ZBTB7C: variants seen among roughly 807,000 people sequenced by gnomAD.
The protein encoded by ZBTB7C is zinc finger and BTB domain containing 7C.
ZBTB7C carries 8 observed loss-of-function variants against 25.7 expected under a neutral mutation model. That is an observed-to-expected ratio of 0.31 (90% CI 0.18 to 0.56). ZBTB7C has a LOEUF of 0.56. ZBTB7C is among the 20% of genes least tolerant of loss of function. ZBTB7C has a pLI of 0.91. For synonymous variants in ZBTB7C, 394 were observed against 369.0 expected (o/e 1.07, Z -0.78); for missense variants, 824 against 855.2 (o/e 0.96, Z 0.46).
intron 1 of ZBTB7C, among the ~76,000 whole-genome samples, chr18:48,391,892 T>A (rs1260031637): frequency 6.6e-6 from 1 of 152,258 alleles, no homozygotes; most frequent in African/African-American, 2.4e-5. Context: ...CAAGGAAAGC[T>A]CTAAGACCTC....
chr18:48,367,371 T>TATATATATATAA lies in ZBTB7C; in HGVS notation c.-303-28974_-303-28973insTTATATATATAT, dbSNP rs34753129. On this transcript the variant is annotated intron_variant, in intron 1 of 4. Coordinates refer to ENST00000590800, the MANE Select transcript of ZBTB7C (RefSeq NM_001318841.2). The stretch of plus-strand genomic sequence containing the variant: ...GCATATATATATATATATATATATA[T>TATATATATATAA]AAAATACAAACAGAAGACTCTAAAA... Among the ~76,000 whole-genome samples the TATATATATATAA allele has an allele frequency of 5.7e-4, 65 of 113,394 alleles. No individual in the cohort carries two copies. The East Asian group carries it at 0.01, about 18-fold the overall frequency. 74.4% of individuals were successfully genotyped at this position (113,394 alleles called of 152,430 possible).
chr18:48,283,161 A>T (rs965186449), intron 2 of ZBTB7C, among the ~76,000 whole-genome samples: 1 of 152,184 alleles, frequency 6.6e-6, no homozygotes, highest in Non-Finnish European at 1.5e-5. Flanking sequence ...ATATCCTTTG[A>T]CCTAGTAATT....
At chr18:48,245,445 C>T (rs1164573243) in intron 2 of ZBTB7C, among the ~76,000 whole-genome samples, 1 of 147,586 alleles carries the variant, frequency 6.8e-6, no homozygotes, top group African/African-American at 2.5e-5. Flanking sequence ...AACCAAACAA[C>T]ACTTGTTCCC....
rs375444822 is a variant in ZBTB7C at position 48,029,222 on chromosome 18, A to G, written c.*38T>C. On this transcript the variant is annotated 3_prime_UTR_variant, in exon 5 of 5. Coordinates refer to ENST00000590800, the MANE Select transcript of ZBTB7C (RefSeq NM_001318841.2). ...GTAGAGTGGGCCTGGAGGGAGAAGG[A>G]CTGGAGGGCTGGTGGGCTGGAGCCG... The G allele has an allele frequency of 1.3e-6, 2 of 1,515,532 alleles. No homozygotes were observed. Among genetic ancestry groups the G allele is most frequent in the East Asian group, 2.5e-5 (1 of 40,264 alleles). The allele number at this position is 1,515,532 out of a possible 1,614,324, so 93.9% of individuals were successfully genotyped here. A position where few individuals can be genotyped will look rare whatever the true frequency, so the allele number is the denominator to read the frequency against.
rs1205854650 is a variant in ZBTB7C at position 48,040,319 on chromosome 18, G to A, written c.789C>T (p.Asp263=). The A allele has an allele frequency of 1.3e-6, 2 of 1,588,716 alleles. No homozygotes were observed. Among genetic ancestry groups the A allele is most frequent in the Middle Eastern group, 1.7e-4 (1 of 5,896 alleles). ...CAGGCAGCTGGGCAAAGGCACCGAAGTCCCCTGGCCAGAGGTGTGGAAAGA... is the reference window on the plus strand; with the variant it reads ...CAGGCAGCTGGGCAAAGGCACCGAAATCCCCTGGCCAGAGGTGTGGAAAGA... ...PDFFPHLWPG[D]FGAFAQLPEQ... The change falls in exon 4 of 5, where the codon GAC becomes GAT. Residue 263 remains aspartate (D), a synonymous_variant. Transcript: ENST00000590800.
intron 3 of ZBTB7C, among the ~76,000 whole-genome samples, chr18:48,160,024 A>T (rs575451568): frequency 6.6e-6 from 1 of 152,366 alleles, no homozygotes; most frequent in South Asian, 2.1e-4. Context: ...AATGGAAAAG[A>T]GTCACAGCAT....
In ZBTB7C at chr18:48,314,355, T is replaced by C. The variant is rs1401382392; in HGVS notation, c.-79+23819A>G. Among the ~76,000 whole-genome samples, 3 of 152,312 alleles carry C rather than the reference T, an allele frequency of 2.0e-5. 1 individual carries two copies. Among genetic ancestry groups the C allele is most frequent in the African/African-American group, 7.2e-5 (3 of 41,578 alleles). On this transcript the variant is annotated intron_variant, in intron 2 of 4. Transcript: ENST00000590800. ...CAAAAGCAACCTTAAGACTTACCAATGACAGAGTCCCCTCTTAAAAGCCCC... is the reference window on the plus strand; with the variant it reads ...CAAAAGCAACCTTAAGACTTACCAACGACAGAGTCCCCTCTTAAAAGCCCC...
intron 1 of ZBTB7C, among the ~76,000 whole-genome samples, chr18:48,361,231 A>G (rs1259601685): frequency 6.6e-6 from 1 of 152,100 alleles, no homozygotes; most frequent in Non-Finnish European, 1.5e-5. Flanking sequence ...TTTATGCAAT[A>G]TTTTCATTTG....
intron 4 of ZBTB7C, among the ~76,000 whole-genome samples, chr18:48,036,001 C>T (rs895781293): frequency 6.6e-6 from 1 of 152,204 alleles, no homozygotes; most frequent in Non-Finnish European, 1.5e-5. Flanking sequence ...TGAACTAAAC[C>T]GAGGGAGTGC....
chr18:48,041,016 C>T lies in ZBTB7C; in HGVS notation c.92G>A (p.Gly31Asp), dbSNP rs1424774205. Residue 31 changes from glycine (G) to aspartate (D), a missense_variant, in exon 4 of 5, where the codon GGC becomes GAC. This residue lies in a region of ZBTB7C where 117 missense variants were observed against 167.7 expected (regional missense o/e 0.70). Coordinates refer to ENST00000590800, the MANE Select transcript of ZBTB7C (RefSeq NM_001318841.2). ...CACCAGGAGCACGTCACACAGCAGGCCATCGTGCCGTTGCTCATTGAGGCT... is the reference window on the plus strand; with the variant it reads ...CACCAGGAGCACGTCACACAGCAGGTCATCGTGCCGTTGCTCATTGAGGCT... ...LCSLNEQRHD[G>D]LLCDVLLVVQ... 1 of 1,613,920 alleles carries T rather than the reference C, an allele frequency of 6.2e-7. No homozygotes were observed. The highest frequency in any genetic ancestry group is 2.2e-5 in the East Asian group (1 of 44,886).
chr18:48,142,537 C>T (rs2144840429), intron 3 of ZBTB7C, among the ~76,000 whole-genome samples: 1 of 152,266 alleles, frequency 6.6e-6, no homozygotes, highest in African/African-American at 2.4e-5. Flanking sequence ...AGCCTGAGGG[C>T]CCCAGGGCTG....
At chr18:48,388,097 G>C (rs963403821) in intron 1 of ZBTB7C, among the ~76,000 whole-genome samples, 1 of 152,150 alleles carries the variant, frequency 6.6e-6, no homozygotes, top group Admixed American at 6.5e-5. Flanking sequence ...AAAGCGCTGG[G>C]ATTACAGGCG....
chr18:48,108,265 T>G (rs1363611915), intron 3 of ZBTB7C, among the ~76,000 whole-genome samples: 1 of 152,168 alleles, frequency 6.6e-6, no homozygotes, highest in Non-Finnish European at 1.5e-5. Flanking sequence ...TGGTGCCCTC[T>G]CTTCTCTATA....
At chr18:48,242,149 A>C (rs950385245) in intron 2 of ZBTB7C, among the ~76,000 whole-genome samples, 2 of 152,220 alleles carry the variant, frequency 1.3e-5, no homozygotes, top group Non-Finnish European at 2.9e-5. Context: ...TTAAACCAGC[A>C]AGAAATAGAA....
intron 3 of ZBTB7C, among the ~76,000 whole-genome samples, chr18:48,085,537 C>T (rs990698969): frequency 2.0e-5 from 3 of 152,170 alleles, no homozygotes; most frequent in South Asian, 2.1e-4. Flanking sequence ...AGTGACTGAA[C>T]GTCTGTGTGC....
chr18:48,279,055 A>G (rs970973531), intron 2 of ZBTB7C, among the ~76,000 whole-genome samples: 1 of 151,970 alleles, frequency 6.6e-6, no homozygotes, highest in Non-Finnish European at 1.5e-5. Context: ...TATGCTGGGC[A>G]CACTGTCACA....
chr18:48,373,975 C>G (rs114257441), intron 1 of ZBTB7C, among the ~76,000 whole-genome samples: 4 of 116,414 alleles, frequency 3.4e-5, no homozygotes, highest in African/African-American at 1.3e-4. Context: ...AAAAAAAAAG[C>G]ATGTGGCACC....
At chr18:48,129,059 G>A (rs1490459749) in intron 3 of ZBTB7C, among the ~76,000 whole-genome samples, 1 of 152,100 alleles carries the variant, frequency 6.6e-6, no homozygotes, top group African/African-American at 2.4e-5. Flanking sequence ...AAAGGGTGCT[G>A]AGAGCTTAGA....
chr18:48,262,409 A>T (rs2044197133), intron 2 of ZBTB7C, among the ~76,000 whole-genome samples: 1 of 152,206 alleles, frequency 6.6e-6, no homozygotes, highest in African/African-American at 2.4e-5. Flanking sequence ...GATTCTGGGA[A>T]GAAGTCTGCT....
Sources: allele counts gnomAD v4.1 joint callset (sites outside exome capture counted in the v4.1 genomes callset), GRCh38; gene constraint gnomAD v4.1.1; regional missense constraint gnomAD v4.1.1; transcripts MANE v1.5; gene names NCBI Gene and HGNC (gene_info 2026-07-23, HGNC 2026-07-21).